The following FAM117B variants were observed in gnomAD, a reference collection of about 807,000 sequenced individuals.
FAM117B encodes the protein family with sequence similarity 117 member B.
A neutral mutation model predicts 52.8 loss-of-function variants in FAM117B; 22 were observed. The ratio of observed to expected loss-of-function variants is 0.42; its 90% CI spans 0.30 to 0.59. The LOEUF (loss-of-function observed/expected upper bound fraction) is 0.59, where lower values mean the gene tolerates loss of function less well. Ranked by LOEUF, FAM117B falls within the 20% of genes least tolerant of loss-of-function variation. The probability of loss-of-function intolerance (pLI) is 0.22; values close to 1 mark genes in which losing one functional copy is unlikely to be tolerated. For synonymous variants in FAM117B, 309 were observed against 324.1 expected (o/e 0.95, Z 0.50); for missense variants, 678 against 802.6 (o/e 0.84, Z 1.88).
At chr2:202,703,376 C>A (rs192671395) in intron 2 of FAM117B, among the ~76,000 whole-genome samples, 167 of 152,310 alleles carry the variant, frequency 1.1e-3, no homozygotes, top group African/African-American at 3.8e-3. Flanking sequence ...CTTCCTCCTA[C>A]CTCCTTCCCT....
chr2:202,675,060 C>A (rs567803646), intron 1 of FAM117B, among the ~76,000 whole-genome samples: 18 of 151,246 alleles, frequency 1.2e-4, no homozygotes, highest in Non-Finnish European at 2.2e-4. Context: ...ATAGTGAGAC[C>A]CCATCTCTAC....
rs1193313739 is a variant in FAM117B, at chr2:202,759,262, T to TATGCAACCTCACCAAAAC, written c.1361_1378dup (p.Lys459_Pro460insHisAlaThrSerProLys). ...TGGGAACAATTCTCCTTTGCCCAAA[T>TATGCAACCTCACCAAAAC]ATGCAACCTCACCAAAACCTAACAA... On this transcript the variant is annotated inframe_insertion, in exon 7 of 8. Coordinates refer to ENST00000392238, the MANE Select transcript of FAM117B (RefSeq NM_173511.4). 1 of 1,614,108 alleles carries TATGCAACCTCACCAAAAC rather than the reference T, an allele frequency of 6.2e-7. No individual in the cohort carries two copies. Among genetic ancestry groups the TATGCAACCTCACCAAAAC allele is most frequent in the Non-Finnish European group, 8.5e-7 (1 of 1,180,018 alleles).
intron 1 of FAM117B, among the ~76,000 whole-genome samples, chr2:202,682,085 G>T (rs754759085): frequency 6.6e-6 from 1 of 152,214 alleles, no homozygotes; most frequent in Admixed American, 6.5e-5. Context: ...CTGGACTCCA[G>T]GGGAAGAATA....
intron 1 of FAM117B, 96 bp downstream of exon 1, chr2:202,635,884 G>C (rs1689677264): frequency 8.2e-7 from 1 of 1,224,866 alleles, no homozygotes. Flanking sequence ...AGCTGCCGCG[G>C]AGCCCGGGTG....
chr2:202,755,857 T>A (rs1691793030), intron 5 of FAM117B, among the ~76,000 whole-genome samples, 176 bp downstream of exon 5: 1 of 152,240 alleles, frequency 6.6e-6, no homozygotes, highest in African/African-American at 2.4e-5. Context: ...TTTTGTTGCA[T>A]GTCATAGAGG....
Position 202,724,989 on chromosome 2 carries a change from A to G in FAM117B, c.826A>G (p.Ser276Gly). ...TCACAAGCGCTCAGCATCTTGGGGC[A>G]GTACAGATCAACTTAAGGAGGTCAG... ...GSHKRSASWG[S>G]TDQLKEIAKL... is the part of the protein sequence containing the mutation. Residue 276 changes from serine (S) to glycine (G), a missense_variant, in exon 3 of 8, where the codon AGT becomes GGT. Transcript: ENST00000392238. The G allele has an allele frequency of 6.2e-7, 1 of 1,612,264 alleles. No individual in the cohort carries two copies. The highest frequency in any genetic ancestry group is 2.2e-5 in the East Asian group (1 of 44,784).
chr2:202,697,825 C>T (rs905212630), intron 2 of FAM117B, among the ~76,000 whole-genome samples: 7 of 151,172 alleles, frequency 4.6e-5, no homozygotes, highest in African/African-American at 1.7e-4. Context: ...GCTGGGATTA[C>T]AGGTGTGAGC....
At chr2:202,664,176 G>A (rs1690169628) in intron 1 of FAM117B, among the ~76,000 whole-genome samples, 1 of 152,176 alleles carries the variant, frequency 6.6e-6, no homozygotes, top group African/African-American at 2.4e-5. Flanking sequence ...TTAAGGGTGA[G>A]TGTCATTAGC....
intron 4 of FAM117B, among the ~76,000 whole-genome samples, chr2:202,732,419 C>A (rs891503881): frequency 6.6e-6 from 1 of 152,108 alleles, no homozygotes; most frequent in Non-Finnish European, 1.5e-5. Flanking sequence ...TGTCTATCAG[C>A]TGATAAAAGG....
chr2:202,708,892 C>T (rs1161784488), intron 2 of FAM117B, among the ~76,000 whole-genome samples: 1 of 152,158 alleles, frequency 6.6e-6, no homozygotes, highest in Non-Finnish European at 1.5e-5. Flanking sequence ...TGGTGTGAGC[C>T]ACTAGGCCCA....
At chr2:202,713,121 A>G (rs1234048428) in intron 2 of FAM117B, among the ~76,000 whole-genome samples, 1 of 152,092 alleles carries the variant, frequency 6.6e-6, no homozygotes, top group East Asian at 1.9e-4. Context: ...TCTTCTTTAA[A>G]TGTTTGGTGG....
chr2:202,730,547 A>G (rs1407087480), intron 4 of FAM117B, among the ~76,000 whole-genome samples: 1 of 152,054 alleles, frequency 6.6e-6, no homozygotes, highest in Non-Finnish European at 1.5e-5. Context: ...CCGCGTGCCT[A>G]TAATCCAAGC....
intron 1 of FAM117B, among the ~76,000 whole-genome samples, chr2:202,662,870 A>T (rs955571472): frequency 2.6e-5 from 4 of 152,146 alleles, no homozygotes; most frequent in African/African-American, 9.7e-5. Context: ...AAAAGAAATG[A>T]TAAATGTTTA....
intron 2 of FAM117B, among the ~76,000 whole-genome samples, chr2:202,710,111 C>G (rs573485555): frequency 6.6e-6 from 1 of 152,214 alleles, no homozygotes; most frequent in African/African-American, 2.4e-5. Context: ...TATTCGTGGT[C>G]TTTTGTAGTT....
chr2:202,635,882 C>G, intron 1 of FAM117B, 94 bp downstream of exon 1: 1 of 1,135,774 alleles, frequency 8.8e-7, no homozygotes, highest in African/African-American at 1.6e-5. Context: ...AGAGCTGCCG[C>G]GGAGCCCGGG....
At chr2:202,750,504 C>A (rs973292122) in intron 4 of FAM117B, among the ~76,000 whole-genome samples, 2 of 152,152 alleles carry the variant, frequency 1.3e-5, no homozygotes, top group Non-Finnish European at 2.9e-5. Flanking sequence ...CAAGGTGAGA[C>A]CCTGTCTCAA....
At chr2:202,690,276 A>G (rs542408403) in intron 1 of FAM117B, among the ~76,000 whole-genome samples, 2 of 152,236 alleles carry the variant, frequency 1.3e-5, no homozygotes, top group African/African-American at 2.4e-5. Flanking sequence ...AATTTATTGC[A>G]TACACTTGTC....
intron 2 of FAM117B, among the ~76,000 whole-genome samples, chr2:202,715,061 C>T (rs557765689): frequency 4.7e-4 from 71 of 152,296 alleles, no homozygotes; most frequent in African/African-American, 8.9e-4. Flanking sequence ...ACCTCCCAGA[C>T]GGGGTGGTGG....
At chr2:202,736,422 A>G (rs1451721697) in intron 4 of FAM117B, among the ~76,000 whole-genome samples, 2 of 151,708 alleles carry the variant, frequency 1.3e-5, no homozygotes, top group Non-Finnish European at 2.9e-5. Flanking sequence ...TAAGATTGGA[A>G]AGCTTTTTTT....
Sources: allele counts gnomAD v4.1 joint callset (sites outside exome capture counted in the v4.1 genomes callset), GRCh38; gene constraint gnomAD v4.1.1; transcripts MANE v1.5; gene names NCBI Gene and HGNC (gene_info 2026-07-23, HGNC 2026-07-21).